The following COL6A5 variants were observed in gnomAD, a reference collection of about 807,000 sequenced individuals.
COL6A5 encodes the protein collagen alpha-5(VI) chain.
Under a neutral mutation model 65.6 loss-of-function variants are expected in COL6A5, and 48 were observed. That is an observed-to-expected ratio of 0.73 (90% CI 0.58 to 0.93). The LOEUF (loss-of-function observed/expected upper bound fraction) is 0.93, where lower values mean the gene tolerates loss of function less well. COL6A5 is among the 40% of genes least tolerant of loss of function. The pLI is 0.00. For synonymous variants in COL6A5, 291 were observed against 322.8 expected, an observed-to-expected ratio of 0.90 and a Z score of 1.05; for missense variants, 914 against 928.3, an observed-to-expected ratio of 0.98 and a Z score of 0.20.
chr3:130,350,165 G>C (rs1007288951), intron 1 of COL6A5, among the ~76,000 whole-genome samples: 4 of 152,094 alleles, frequency 2.6e-5, no homozygotes, highest in Non-Finnish European at 5.9e-5. Context: ...TAATATAGAA[G>C]GAGAGAATTG....
At chr3:130,353,724 A>G (rs1019173275) in intron 1 of COL6A5, among the ~76,000 whole-genome samples, 1 of 7,270 alleles carries the variant, frequency 1.4e-4, no homozygotes, top group African/African-American at 1.5e-4. Context: ...AAAATTTCTG[A>G]AAAAAAAAGA....
chr3:130,458,577 C>T (rs1457787540), intron 5 of COL6A5, among the ~76,000 whole-genome samples: 1 of 152,138 alleles, frequency 6.6e-6, no homozygotes, highest in Non-Finnish European at 1.5e-5. Context: ...TTAAGGGCCA[C>T]TGCATGTTTG....
rs1937080707 is a variant in COL6A5 at position 130,408,704 on chromosome 3, A to G, written c.4480-622A>G. Among the ~76,000 whole-genome samples the G allele has an allele frequency of 1.3e-5, 2 of 151,942 alleles. 1 individual carries two copies. The highest frequency in any genetic ancestry group is 1.3e-4 in the Admixed American group (2 of 15,264). On this transcript the variant is annotated intron_variant and NMD_transcript_variant, in intron 17 of 41. Coordinates refer to the COL6A5 transcript ENST00000312481. ...GCATCACAGAACCTGCCGACATGTG[A>G]TGTCACCCCCAGAGACCCAGCTGTA...
At chr3:130,386,756 G>A (rs1417043808) in intron 5 of COL6A5, among the ~76,000 whole-genome samples, 1 of 152,040 alleles carries the variant, frequency 6.6e-6, no homozygotes, top group African/African-American at 2.4e-5. Context: ...ACTTCAGGTA[G>A]TTGCAGTTGA....
intron 6 of COL6A5, among the ~76,000 whole-genome samples, chr3:130,390,831 A>G (rs1439969294): frequency 1.3e-5 from 2 of 152,186 alleles, no homozygotes; most frequent in Non-Finnish European, 2.9e-5. Context: ...ATTGGCATGG[A>G]ACTAGCTTCT....
Position 130,358,557 on chromosome 3 carries a change from T to TA in COL6A5, c.-29+12578dup, listed in dbSNP as rs573929606. ...TCACAGGCAAAATGGTCAAAAATCT[T>TA]AAGTGTACAGTTCATAGAAAAATAC... On this transcript the variant is annotated intron_variant and NMD_transcript_variant, in intron 1 of 41. Coordinates refer to the COL6A5 transcript ENST00000312481. Among the ~76,000 whole-genome samples the TA allele has an allele frequency of 9.2e-5, 14 of 152,252 alleles. No homozygotes were observed. In the South Asian group the frequency reaches 2.9e-3, roughly 32 times the overall value.
At chr3:130,388,075 A>AG (rs1337444306) in intron 5 of COL6A5, among the ~76,000 whole-genome samples, 5 of 152,118 alleles carry the variant, frequency 3.3e-5, no homozygotes, top group African/African-American at 9.6e-5. Context: ...CTTTTTCTCC[A>AG]ATTTCTAATA....
exon 9 of COL6A5, chr3:130,397,674 C>T: frequency 6.5e-7 from 1 of 1,549,014 alleles, no homozygotes; most frequent in Non-Finnish European, 8.7e-7. Flanking sequence ...TGGAATCCTA[C>T]CTCCCAGGCA....
At chr3:130,415,324 T>C (rs549779952) in intron 22 of COL6A5, among the ~76,000 whole-genome samples, 8 of 152,262 alleles carry the variant, frequency 5.3e-5, no homozygotes, top group African/African-American at 1.9e-4. Context: ...AACCCGTCCC[T>C]TTAAAGGAAT....
At chr3:130,406,353 G>A (rs1463354752) in intron 17 of COL6A5, 32 bp downstream of exon 17, 1 of 1,506,046 alleles carries the variant, frequency 6.6e-7, no homozygotes, top group African/African-American at 1.4e-5. Flanking sequence ...CTTCAAAGAA[G>A]GAGAATTTGG....
rs952982197 is a variant in COL6A5 at position 130,391,697 on chromosome 3, A to C, written c.2935A>C (p.Lys979Gln). 14 of 1,551,524 alleles carry C rather than the reference A, an allele frequency of 9.0e-6. No individual in the cohort carries two copies. In the African/African-American group the frequency reaches 1.9e-4, roughly 21 times the overall value. ...TACTATCTATGTAGATAATTTTGACAAACTGAAAGATGTTTTCACACTTGT... is the reference window on the plus strand; with the variant it reads ...TACTATCTATGTAGATAATTTTGACCAACTGAAAGATGTTTTCACACTTGT... The change falls in exon 7 of 42, where the codon AAA becomes CAA. Residue 979 changes from lysine (K) to glutamine (Q), a missense_variant and NMD_transcript_variant. Physicochemically the swap from Lys to Gln is moderately conservative, Grantham distance 53 (BLOSUM62 1). Coordinates refer to the COL6A5 transcript ENST00000312481.
At chr3:130,453,599 T>C (rs1577526255) in intron 4 of COL6A5, among the ~76,000 whole-genome samples, 1 of 152,170 alleles carries the variant, frequency 6.6e-6, no homozygotes, top group South Asian at 2.1e-4. Context: ...TGATATTGTA[T>C]CCTAAATAAA....
intron 1 of COL6A5, among the ~76,000 whole-genome samples, chr3:130,371,157 A>G (rs1008751241): frequency 6.6e-6 from 1 of 152,244 alleles, no homozygotes; most frequent in Non-Finnish European, 1.5e-5. Flanking sequence ...CAGTGAAAAT[A>G]TGAAATAAGG....
Position 130,406,037 on chromosome 3 carries a change from T to A in COL6A5, c.4380+18T>A. On this transcript the variant is annotated intron_variant and NMD_transcript_variant, in intron 15 of 41. Transcript: ENST00000312481. ...GACCTAAGGTACTGGAGTTTTTTCT[T>A]AGTTTAATTTGATTTCCAAATGGGA... is the stretch of plus-strand genomic sequence containing the variant. The A allele has an allele frequency of 6.4e-7, 1 of 1,551,284 alleles. No individual in the cohort carries two copies. The highest frequency in any genetic ancestry group is 8.7e-7 in the Non-Finnish European group (1 of 1,146,630).
At chr3:130,347,020 G>A (rs989238476) in intron 1 of COL6A5, among the ~76,000 whole-genome samples, 23 of 152,138 alleles carry the variant, frequency 1.5e-4, no homozygotes, top group African/African-American at 5.6e-4. Context: ...CTTCAGATGA[G>A]GCAGGCTCTT....
At chr3:130,397,551 G>C in intron 8 of COL6A5, 32 bp from the exon 9 acceptor site, 1 of 1,496,470 alleles carries the variant, frequency 6.7e-7, no homozygotes, top group Non-Finnish European at 9.0e-7. Context: ...CTGTCTACTC[G>C]TTAATCTTGA....
intron 1 of COL6A5, among the ~76,000 whole-genome samples, chr3:130,438,318 A>T (rs1352378203): frequency 6.6e-6 from 1 of 152,018 alleles, no homozygotes; most frequent in African/African-American, 2.4e-5. Flanking sequence ...TATCTGTTTC[A>T]TTTATTTTCA....
intron 5 of COL6A5, among the ~76,000 whole-genome samples, chr3:130,468,092 G>A (rs573457438): frequency 4.6e-5 from 7 of 152,122 alleles, no homozygotes; most frequent in African/African-American, 1.7e-4. Context: ...TTTTCTTCAA[G>A]GAGAAAGTCT....
chr3:130,350,933 A>C (rs4565015), intron 1 of COL6A5, among the ~76,000 whole-genome samples: 151,154 of 152,250 alleles, frequency 0.99, 75,045 homozygotes, highest in East Asian at 1. Flanking sequence ...CTACAGTAAC[A>C]AAAACAGCAT....
Sources: gnomAD v4.1 joint callset for allele counts (sites outside exome capture counted in the v4.1 genomes callset) on GRCh38, gnomAD v4.1.1 for gene constraint, MANE v1.5 for transcripts, NCBI Gene and HGNC (gene_info 2026-07-23, HGNC 2026-07-21) for gene names.